IGFN1: variants seen among roughly 807,000 people sequenced by gnomAD.
The protein encoded by IGFN1 is immunoglobulin-like and fibronectin type III domain-containing protein 1.
IGFN1 carries 253 observed loss-of-function variants against 289.5 expected under a neutral mutation model. That is an observed-to-expected ratio of 0.87 (90% CI 0.79 to 0.97). The LOEUF (loss-of-function observed/expected upper bound fraction) is 0.97, where lower values mean the gene tolerates loss of function less well. Among genes scored for constraint, IGFN1 ranks in the 50% least tolerant of loss-of-function variants. The pLI is 0.00. For synonymous variants in IGFN1, 1,706 were observed against 1,788.5 expected, an observed-to-expected ratio of 0.95 and a Z score of 1.16; for missense variants, 4,470 against 4,686.1, an observed-to-expected ratio of 0.95 and a Z score of 1.35.
chr1:201,220,745 C>T (rs1653673743), intron 18 of IGFN1, among the ~76,000 whole-genome samples: 1 of 152,156 alleles, frequency 6.6e-6, no homozygotes, highest in Non-Finnish European at 1.5e-5. Context: ...CTGCCCTAGC[C>T]CAGTGGTTTT....
chr1:201,203,946 A>G, intron 10 of IGFN1, 40 bp downstream of exon 10: 1 of 1,511,624 alleles, frequency 6.6e-7, no homozygotes. Context: ...TTGGGGAGAT[A>G]TGTTAGAAAT....
At chr1:201,224,928 C>A in intron 21 of IGFN1, 54 bp downstream of exon 21, 2 of 1,374,906 alleles carry the variant, frequency 1.5e-6, no homozygotes, top group Non-Finnish European at 2.0e-6. Context: ...CTCACCAAGG[C>A]AAAGAGGTGT....
At position 201,207,463 on chromosome 1, in the gene IGFN1, G is replaced by C; in HGVS notation, c.2570G>C (p.Gly857Ala). 1 of 1,530,794 alleles carries C rather than the reference G, an allele frequency of 6.5e-7. No homozygotes were observed. Among genetic ancestry groups the C allele is most frequent in the Non-Finnish European group, 8.7e-7 (1 of 1,143,588 alleles). 94.8% of individuals were successfully genotyped at this position (1,530,794 alleles called of 1,614,324 possible). The change falls in exon 12 of 24, where the codon GGA (glycine) becomes GCA (alanine). Residue 857 changes from glycine to alanine, a missense_variant. Physicochemically the swap from Gly to Ala is moderately conservative, Grantham distance 60. Coordinates refer to ENST00000335211, the MANE Select transcript of IGFN1 (RefSeq NM_001164586.2). The part of the protein sequence containing the change: ...LRKTGAHHGP[G>A]VLGPSGGQEG... ...AAAACTGGGGCCCACCATGGGCCTG[G>C]AGTGCTGGGGCCCAGTGGAGGACAA...
chr1:201,223,194 T>C (rs1358340583), intron 20 of IGFN1: 2 of 169,562 alleles, frequency 1.2e-5, no homozygotes, highest in African/African-American at 4.7e-5. Context: ...CAATGTATTT[T>C]TGTGCAAGCA....
chr1:201,212,250 G>A lies in IGFN1; in HGVS notation c.7357G>A (p.Gly2453Arg), dbSNP rs560763532. ...RGTGVLGSQG[G>R]RQTLSDERGS... Reference sequence around the variant, plus strand: ...CACAGGGGTGCTGGGGTCTCAGGGAGGGCGACAGACTCTTTCAGATGAGCG... The same window carrying A: ...CACAGGGGTGCTGGGGTCTCAGGGAAGGCGACAGACTCTTTCAGATGAGCG... Residue 2453 changes from glycine (G) to arginine (R), a missense_variant, in exon 12 of 24, where the codon GGG (glycine) becomes AGG (arginine). Gly to Arg is a moderately radical substitution (Grantham distance 125). This residue lies in a region of IGFN1 where 2,218 missense variants were observed against 2,114.1 expected (regional missense o/e 1.05). Transcript: ENST00000335211. 6.5e-7 allele frequency: 1 copy of A among 1,535,236 alleles called. No homozygotes were observed. The highest frequency in any genetic ancestry group is 2.4e-5 in the East Asian group (1 of 40,908).
At chr1:201,204,898 T>C (rs1331105212) in intron 10 of IGFN1, among the ~76,000 whole-genome samples, 184 bp from the exon 11 acceptor site, 1 of 152,200 alleles carries the variant, frequency 6.6e-6, no homozygotes, top group Non-Finnish European at 1.5e-5. Context: ...CTCATAACTG[T>C]AGCCCCTCAT....
At chr1:201,194,737 G>A (rs1199182150) in intron 3 of IGFN1, among the ~76,000 whole-genome samples, 1 of 152,228 alleles carries the variant, frequency 6.6e-6, no homozygotes, top group African/African-American at 2.4e-5. Context: ...ACATAAGAAG[G>A]TGTCCAAGAA....
At position 201,211,226 on chromosome 1, in the gene IGFN1, G is replaced by T; in HGVS notation, c.6333G>T (p.Gly2111=). 1 of 1,529,390 alleles carries T rather than the reference G, an allele frequency of 6.5e-7. No homozygotes were observed. The highest frequency in any genetic ancestry group is 8.7e-7 in the Non-Finnish European group (1 of 1,144,122). 94.7% of individuals were successfully genotyped at this position (1,529,390 alleles called of 1,614,324 possible). The change falls in exon 12 of 24, where the codon GGG becomes GGT. Residue 2111 remains glycine, a synonymous_variant. Transcript: ENST00000335211. ...AGGCAGGTTATAGGAAGGATTTGGG[G>T]GCTCCTGAGGGAATAGGTTCAGGAA... The part of the protein sequence containing the change: ...MDEAGYRKDL[G]APEGIGSGSK...
chr1:201,211,447 C>G lies in IGFN1; in HGVS notation c.6554C>G (p.Pro2185Arg). ...GGTTATAGGAAGGATTTGGGAGCTC[C>G]TGAGGGAATGGGTTCAGGGAGTAAG... ...EAGYRKDLGA[P>R]EGMGSGSKAG... is the part of the protein sequence containing the mutation. Residue 2185 changes from proline (P) to arginine (R), a missense_variant, in exon 12 of 24, where the codon CCT (proline) becomes CGT (arginine). Coordinates refer to ENST00000335211, the MANE Select transcript of IGFN1 (RefSeq NM_001164586.2). The G allele has an allele frequency of 6.7e-7, 1 of 1,499,122 alleles. No individual in the cohort carries two copies. Among genetic ancestry groups the G allele is most frequent in the Non-Finnish European group, 8.9e-7 (1 of 1,125,296 alleles). 92.9% of individuals were successfully genotyped at this position (1,499,122 alleles called of 1,614,324 possible). A position where few individuals can be genotyped will look rare whatever the true frequency, so the allele number is the denominator to read the frequency against.
intron 3 of IGFN1, among the ~76,000 whole-genome samples, chr1:201,194,736 G>A (rs1051159161): frequency 1.3e-5 from 2 of 152,184 alleles, no homozygotes; most frequent in Non-Finnish European, 2.9e-5. Context: ...CACATAAGAA[G>A]GTGTCCAAGA....
chr1:201,207,631 G>C lies in IGFN1; in HGVS notation c.2738G>C (p.Gly913Ala), dbSNP rs745541226. 4.6e-6 allele frequency: 7 copies of C among 1,537,010 alleles called. No homozygotes were observed. Among genetic ancestry groups the C allele is most frequent in the African/African-American group, 1.4e-5 (1 of 73,020 alleles). Residue 913 changes from glycine to alanine, a missense_variant, in exon 12 of 24, where the codon GGT (glycine) becomes GCT (alanine). Physicochemically the swap from Gly to Ala is moderately conservative, Grantham distance 60 (BLOSUM62 0). Around this residue, in one of 8 missense-constraint regions of IGFN1, gnomAD observed 2,011 missense variants for 1,953.4 expected, o/e 1.03. Coordinates refer to ENST00000335211, the MANE Select transcript of IGFN1 (RefSeq NM_001164586.2). ...CTAGGAGATAAGAAAGGATTAAGAG[G>C]TCCTGGGTCAATAGGGTCTGAACCA... is the stretch of plus-strand genomic sequence containing the variant. ...GTLGDKKGLR[G>A]PGSIGSEPDF... is the part of the protein sequence containing the mutation.
Position 201,207,097 on chromosome 1 carries a change from G to A in IGFN1, c.2204G>A (p.Gly735Asp), listed in dbSNP as rs1667462356. 1 of 1,537,082 alleles carries A rather than the reference G, an allele frequency of 6.5e-7. No individual in the cohort carries two copies. The highest frequency in any genetic ancestry group is 1.2e-5 in the South Asian group (1 of 84,060). Residue 735 changes from glycine (G) to aspartate (D), a missense_variant, in exon 12 of 24, where the codon GGT becomes GAT. This residue lies in a region of IGFN1 where 2,011 missense variants were observed against 1,953.4 expected (regional missense o/e 1.03). Coordinates refer to ENST00000335211, the MANE Select transcript of IGFN1 (RefSeq NM_001164586.2). ...KDFQEPSISGGRKFLLGDGSP... is the reference protein window; with the variant it reads ...KDFQEPSISGDRKFLLGDGSP... ...TTCCAGGAACCATCAATATCAGGTGGTAGAAAATTCCTTCTGGGAGATGGG... is the reference window on the plus strand; with the variant it reads ...TTCCAGGAACCATCAATATCAGGTGATAGAAAATTCCTTCTGGGAGATGGG...
At position 201,206,974 on chromosome 1, in the gene IGFN1, C is replaced by T. The variant is rs773802073; in HGVS notation, c.2081C>T (p.Ser694Phe). Residue 694 changes from serine (S) to phenylalanine (F), a missense_variant, in exon 12 of 24, where the codon TCC becomes TTC. Coordinates refer to ENST00000335211, the MANE Select transcript of IGFN1 (RefSeq NM_001164586.2). ...SGSKVGMAPESWGSQGGRDAD... is the reference protein window; with the variant it reads ...SGSKVGMAPEFWGSQGGRDAD... ...TCCAAGGTGGGCATGGCCCCTGAAT[C>T]CTGGGGTTCTCAGGGAGGTAGAGAT... 15 of 1,535,874 alleles carry T rather than the reference C, an allele frequency of 9.8e-6. No homozygotes were observed. Among genetic ancestry groups the T allele is most frequent in the African/African-American group, 1.4e-5 (1 of 72,946 alleles).
At chr1:201,193,134 C>A in intron 1 of IGFN1, 113 bp from the exon 2 acceptor site, 1 of 611,486 alleles carries the variant, frequency 1.6e-6, no homozygotes, top group Admixed American at 2.8e-5. Flanking sequence ...CTCTTGGGGG[C>A]AGCAGCTTTT....
chr1:201,226,032 C>A lies in IGFN1; in HGVS notation c.10695C>A (p.His3565Gln), dbSNP rs142521907. ...CCCTCCTGGGCATCCTCCCCGGCCA[C>A]GAATACCACTTCAGGGTGGTGGCCA... ...RFTLLGILPGHEYHFRVVAKN... is the reference protein window; with the variant it reads ...RFTLLGILPGQEYHFRVVAKN... Residue 3565 changes from histidine to glutamine, a missense_variant, in exon 22 of 24, where the codon CAC (histidine) becomes CAA (glutamine). Coordinates refer to ENST00000335211, the MANE Select transcript of IGFN1 (RefSeq NM_001164586.2). 7.7e-5 allele frequency: 123 copies of A among 1,588,898 alleles called. No individual in the cohort carries two copies. The highest frequency in any genetic ancestry group is 1.0e-4 in the Non-Finnish European group (118 of 1,164,800).
At position 201,211,813 on chromosome 1, in the gene IGFN1, G is replaced by C; in HGVS notation, c.6920G>C (p.Ser2307Thr). The change falls in exon 12 of 24, where the codon AGT becomes ACT. Residue 2307 changes from serine (S) to threonine (T), a missense_variant. Coordinates refer to ENST00000335211, the MANE Select transcript of IGFN1 (RefSeq NM_001164586.2). ...PLGSEAGSRG[S>T]LEDSGYILSW... ...GGGAGCGAGGCAGGTTCTAGGGGTA[G>C]TTTGGAGGATTCTGGGTACATTTTG... 6.5e-7 allele frequency: 1 copy of C among 1,536,774 alleles called. No homozygotes were observed. Among genetic ancestry groups the C allele is most frequent in the Non-Finnish European group, 8.7e-7 (1 of 1,146,726 alleles).
At chr1:201,217,184 G>T in intron 16 of IGFN1, 103 bp from the exon 17 acceptor site, 1 of 999,530 alleles carries the variant, frequency 1.0e-6, no homozygotes, top group Non-Finnish European at 1.5e-6. Context: ...ACAGGGCGGA[G>T]TGTGGCCTGT....
intron 22 of IGFN1, 44 bp downstream of exon 22, chr1:201,226,167 C>A: frequency 1.3e-6 from 2 of 1,521,290 alleles, no homozygotes; most frequent in Non-Finnish European, 8.8e-7. Context: ...GTGGGGGTTG[C>A]GCTCTGCAAT....
Position 201,207,802 on chromosome 1 carries a change from G to A in IGFN1, c.2909G>A (p.Gly970Glu). 1 of 1,536,224 alleles carries A rather than the reference G, an allele frequency of 6.5e-7. No individual in the cohort carries two copies. ...GYSREISSKS[G>E]AGYSYGSGVP... ...TCTAGGGAAATAAGCTCTAAAAGCGGGGCTGGTTATAGCTATGGCTCAGGG... is the reference window on the plus strand; with the variant it reads ...TCTAGGGAAATAAGCTCTAAAAGCGAGGCTGGTTATAGCTATGGCTCAGGG... The change falls in exon 12 of 24, where the codon GGG (glycine) becomes GAG (glutamate). Residue 970 changes from glycine to glutamate, a missense_variant. By Grantham distance (98) the Gly-to-Glu change is moderately conservative (BLOSUM62 -2). Around this residue, in one of 8 missense-constraint regions of IGFN1, gnomAD observed 2,011 missense variants for 1,953.4 expected, o/e 1.03. Transcript: ENST00000335211.
Sources: allele counts gnomAD v4.1 joint callset (sites outside exome capture counted in the v4.1 genomes callset), GRCh38; gene constraint gnomAD v4.1.1; regional missense constraint gnomAD v4.1.1; transcripts MANE v1.5; gene names NCBI Gene and HGNC (gene_info 2026-07-23, HGNC 2026-07-21).